Variants in ADAM12 observed in about 807,000 individuals in gnomAD.
ADAM12 encodes ADAM metallopeptidase domain 12.
In ADAM12, 70 loss-of-function variants were observed where a neutral mutation model predicts 106.4. The observed-to-expected ratio is 0.66, with a 90% CI of 0.54 to 0.80. The LOEUF (loss-of-function observed/expected upper bound fraction) is 0.80, where lower values mean the gene tolerates loss of function less well. Among genes scored for constraint, ADAM12 ranks in the 30% least tolerant of loss-of-function variants. The pLI is 0.00. For synonymous variants in ADAM12, 420 were observed against 433.5 expected, an observed-to-expected ratio of 0.97 and a Z score of 0.39; for missense variants, 1,010 against 1,171.9, an observed-to-expected ratio of 0.86 and a Z score of 2.02.
At chr10:126,245,955 A>C (rs1241471482) in intron 3 of ADAM12, among the ~76,000 whole-genome samples, 1 of 152,130 alleles carries the variant, frequency 6.6e-6, no homozygotes, top group Non-Finnish European at 1.5e-5. Flanking sequence ...TTTGACTGGG[A>C]ATGGATGGAT....
chr10:126,326,422 C>T (rs985689245), intron 2 of ADAM12, among the ~76,000 whole-genome samples: 1 of 152,098 alleles, frequency 6.6e-6, no homozygotes, highest in African/African-American at 2.4e-5. Context: ...ATGGAAGCTC[C>T]TGCCACCTAT....
intron 21 of ADAM12, among the ~76,000 whole-genome samples, chr10:126,032,630 TAAA>T (rs911800218): frequency 6.6e-6 from 1 of 152,058 alleles, no homozygotes; most frequent in East Asian, 1.9e-4. Context: ...TTAAAATAAA[TAAA>T]AAAGTTCAGG....
intron 1 of ADAM12, among the ~76,000 whole-genome samples, chr10:126,373,232 T>C (rs1055566828): frequency 3.3e-5 from 5 of 152,220 alleles, no homozygotes; most frequent in African/African-American, 1.2e-4. Context: ...CTCACATGAC[T>C]GGAATTCTGT....
At position 126,134,692 on chromosome 10, in the gene ADAM12, A is replaced by G. The variant is rs535493879; in HGVS notation, c.416+892T>C. 4.6e-5 allele frequency among the ~76,000 whole-genome samples: 7 copies of G among 152,328 alleles called. No homozygotes were observed. In the South Asian group the frequency reaches 1.5e-3, roughly 32 times the overall value. On this transcript the variant is annotated intron_variant, in intron 5 of 22. Coordinates refer to ENST00000448723, the MANE Select transcript of ADAM12 (RefSeq NM_001288973.2). ...TAGGTGTGTGGTTGTTGTGTGTGTC[A>G]CATGCATATTCTCATCCTCCATGAT...
chr10:126,312,732 T>C (rs1312810572), intron 2 of ADAM12, among the ~76,000 whole-genome samples: 1 of 152,226 alleles, frequency 6.6e-6, no homozygotes, highest in East Asian at 1.9e-4. Flanking sequence ...TTTGCCCTTC[T>C]TCAGCAGCAA....
At chr10:126,168,909 C>T (rs112068446) in intron 3 of ADAM12, among the ~76,000 whole-genome samples, 1,829 of 152,102 alleles carry the variant, frequency 0.012, 20 homozygotes, top group Middle Eastern at 0.044. Context: ...AAAAATTAGC[C>T]GGGTATGGTG....
chr10:126,057,400 C>CA (rs1196820296), intron 14 of ADAM12, among the ~76,000 whole-genome samples: 2,902 of 33,644 alleles, frequency 0.086, 789 homozygotes, highest in African/African-American at 0.21. Context: ...AACAAAAAAA[C>CA]AAAAAAAAAA....
At chr10:126,059,851 A>G (rs12263759) in intron 14 of ADAM12, among the ~76,000 whole-genome samples, 1,985 of 152,370 alleles carry the variant, frequency 0.013, 41 homozygotes, top group African/African-American at 0.045. Flanking sequence ...AAACATTGGT[A>G]AAAGTAAATT....
At chr10:126,203,949 T>C (rs1957749833) in intron 3 of ADAM12, among the ~76,000 whole-genome samples, 2 of 152,130 alleles carry the variant, frequency 1.3e-5, no homozygotes, top group South Asian at 2.1e-4. Context: ...CGTGTGTGTG[T>C]GTGTGTGTGT....
chr10:126,135,750 G>A, intron 4 of ADAM12, 90 bp from the exon 5 acceptor site: 1 of 1,138,172 alleles, frequency 8.8e-7, no homozygotes, highest in Non-Finnish European at 1.3e-6. Flanking sequence ...TTTAACTATA[G>A]AATTTTCCAT....
At chr10:126,036,459 T>A (rs1384585974) in intron 20 of ADAM12, 134 bp from the exon 21 acceptor site, 4 of 807,402 alleles carry the variant, frequency 5.0e-6, no homozygotes, top group Non-Finnish European at 7.3e-6. Flanking sequence ...ATCAAGGATG[T>A]ACACAAGAGG....
chr10:126,309,989 T>C (rs1051174868), intron 2 of ADAM12, among the ~76,000 whole-genome samples: 7 of 151,850 alleles, frequency 4.6e-5, no homozygotes, highest in Non-Finnish European at 1.0e-4. Context: ...TGAAACCCCA[T>C]CTCTACTAAA....
intron 2 of ADAM12, among the ~76,000 whole-genome samples, chr10:126,281,099 A>G (rs1433409854): frequency 1.3e-5 from 2 of 152,186 alleles, no homozygotes; most frequent in East Asian, 3.8e-4. Flanking sequence ...AAACACTTCC[A>G]TAATGTTCTC....
intron 3 of ADAM12, among the ~76,000 whole-genome samples, chr10:126,234,277 G>A (rs1281668231): frequency 1.3e-5 from 2 of 152,062 alleles, no homozygotes; most frequent in East Asian, 3.8e-4. Flanking sequence ...ATTATCATGG[G>A]CTGCATTTGT....
intron 1 of ADAM12, among the ~76,000 whole-genome samples, chr10:126,375,038 A>G (rs1856234297): frequency 6.6e-6 from 1 of 152,188 alleles, no homozygotes; most frequent in African/African-American, 2.4e-5. Context: ...CAGGAGACGC[A>G]AGGATACAAC....
chr10:126,203,128 T>G (rs2133823032), intron 3 of ADAM12, among the ~76,000 whole-genome samples: 1 of 152,312 alleles, frequency 6.6e-6, no homozygotes, highest in South Asian at 2.1e-4. Flanking sequence ...GGTCAGGTTT[T>G]TAATTCAGTA....
chr10:126,303,903 T>C (rs532085850), intron 2 of ADAM12, among the ~76,000 whole-genome samples: 21 of 152,326 alleles, frequency 1.4e-4, no homozygotes, highest in African/African-American at 5.1e-4. Context: ...TGTGGTATAC[T>C]ATTATTTGAC....
intron 10 of ADAM12, 36 bp from the exon 11 acceptor site, chr10:126,094,169 A>T: frequency 1.3e-6 from 2 of 1,599,630 alleles, no homozygotes; most frequent in African/African-American, 1.3e-5. Flanking sequence ...TGTATAATTC[A>T]TATCTCCTTG....
intron 1 of ADAM12, among the ~76,000 whole-genome samples, chr10:126,372,381 A>G (rs1394691129): frequency 6.6e-6 from 1 of 152,226 alleles, no homozygotes; most frequent in East Asian, 1.9e-4. Flanking sequence ...CCAGGGAGGT[A>G]GGCTGCATCC....
Sources: allele counts gnomAD v4.1 joint callset (sites outside exome capture counted in the v4.1 genomes callset), GRCh38; gene constraint gnomAD v4.1.1; transcripts MANE v1.5; gene names NCBI Gene and HGNC (gene_info 2026-07-23, HGNC 2026-07-21).